Variants in SLC12A8 observed in about 807,000 individuals in gnomAD.
SLC12A8 encodes the protein solute carrier family 12 member 8.
A neutral mutation model predicts 75.6 loss-of-function variants in SLC12A8; 69 were observed. The ratio of observed to expected loss-of-function variants is 0.91; its 90% CI spans 0.75 to 1.11. SLC12A8 has a LOEUF of 1.11. SLC12A8 is among the 50% of genes most tolerant of loss of function. The probability of loss-of-function intolerance (pLI) is 0.00; values close to 1 mark genes in which losing one functional copy is unlikely to be tolerated. For synonymous variants in SLC12A8, 365 were observed against 372.8 expected (o/e 0.98, Z 0.24); for missense variants, 877 against 896.7 (o/e 0.98, Z 0.28).
intron 5 of SLC12A8, among the ~76,000 whole-genome samples, chr3:125,171,022 G>C (rs1421414910): frequency 1.3e-5 from 2 of 152,176 alleles, no homozygotes; most frequent in South Asian, 4.1e-4. Flanking sequence ...ACTTTCACTT[G>C]TCACTTGATA....
chr3:125,135,673 A>G lies in SLC12A8; in HGVS notation c.732T>C (p.Ala244=), dbSNP rs780503164. The G allele has an allele frequency of 2.5e-6, 4 of 1,594,586 alleles. No individual in the cohort carries two copies. Among genetic ancestry groups the G allele is most frequent in the South Asian group, 2.3e-5 (2 of 87,916 alleles). ...AAAGAACCCAGATTACAATACCTGT[A>G]GCCGCTGGGAAGAAAACCCCAAAGA... ...FTVFGVFFPA[A]TGVMAGFNMG... is the part of the protein sequence containing the mutation. Residue 244 remains alanine, a synonymous_variant, in exon 6 of 14, where the codon GCT becomes GCC. Coordinates refer to ENST00000469902, the MANE Select transcript of SLC12A8 (RefSeq NM_024628.6).
At position 125,082,795 on chromosome 3, in the gene SLC12A8, G is replaced by GA. The variant is rs2107726268; in HGVS notation, c.*1094_*1095insT. ...TTTGTACAAGATTATTCACTGCAGA[G>GA]CTGATTGTCATTGCAAAAGATTGGA... On this transcript the variant is annotated 3_prime_UTR_variant, in exon 14 of 14. Transcript: ENST00000469902. The GA allele has an allele frequency of 6.6e-6, 1 of 152,166 alleles. No homozygotes were observed. Among genetic ancestry groups the GA allele is most frequent in the East Asian group, 1.9e-4 (1 of 5,206 alleles). The allele number at this position is 152,166 out of a possible 1,614,324, so 9.4% of individuals were successfully genotyped here. A position where few individuals can be genotyped will look rare whatever the true frequency, so the allele number is the denominator to read the frequency against.
rs1579471048 is a variant in SLC12A8, at chr3:125,104,014, AAAAAG to A, written c.1705+3462_1705+3466del. 3.3e-5 allele frequency among the ~76,000 whole-genome samples: 5 copies of A among 152,230 alleles called. 1 individual carries two copies. Among genetic ancestry groups the A allele is most frequent in the Admixed American group, 1.3e-4 (2 of 15,302 alleles). On this transcript the variant is annotated intron_variant, in intron 10 of 13. Coordinates refer to ENST00000469902, the MANE Select transcript of SLC12A8 (RefSeq NM_024628.6). ...AAGCCTCCAAGATTTAAAAAAAAAA[AAAAAG>A]AGAGAGAAAGAGAGAGCCCAAACCA...
chr3:125,140,087 A>T (rs905148457), intron 5 of SLC12A8, among the ~76,000 whole-genome samples: 2 of 152,216 alleles, frequency 1.3e-5, no homozygotes, highest in African/African-American at 4.8e-5. Flanking sequence ...CCTGAGAGTG[A>T]CATAGCCAAT....
At chr3:125,112,904 G>T (rs533978030) in intron 8 of SLC12A8, among the ~76,000 whole-genome samples, 1 of 152,270 alleles carries the variant, frequency 6.6e-6, no homozygotes, top group East Asian at 1.9e-4. Context: ...ATGTGCAGCC[G>T]ATGTGGAGAA....
At chr3:125,200,190 A>G (rs1483953683) in intron 2 of SLC12A8, among the ~76,000 whole-genome samples, 1 of 152,052 alleles carries the variant, frequency 6.6e-6, no homozygotes, top group Non-Finnish European at 1.5e-5. Context: ...GGCTCACACC[A>G]GTAATCCCAG....
At chr3:125,130,810 C>G (rs560282827) in intron 6 of SLC12A8, among the ~76,000 whole-genome samples, 1 of 152,304 alleles carries the variant, frequency 6.6e-6, no homozygotes, top group East Asian at 1.9e-4. Flanking sequence ...GGCATCCTCT[C>G]TCTTAGGAAA....
intron 9 of SLC12A8, 120 bp downstream of exon 9, chr3:125,110,069 C>T: frequency 9.1e-7 from 1 of 1,097,956 alleles, no homozygotes; most frequent in Non-Finnish European, 1.3e-6. Flanking sequence ...TTTTCTGTGT[C>T]ACCCCAAAGA....
At chr3:125,120,527 G>T in intron 7 of SLC12A8, 72 bp downstream of exon 7, 1 of 1,079,398 alleles carries the variant, frequency 9.3e-7, no homozygotes, top group South Asian at 1.3e-5. Flanking sequence ...AACAAAAGGG[G>T]CAATCCCTCT....
At chr3:125,139,228 G>T (rs1464712171) in intron 5 of SLC12A8, among the ~76,000 whole-genome samples, 1 of 152,146 alleles carries the variant, frequency 6.6e-6, no homozygotes, top group Non-Finnish European at 1.5e-5. Context: ...ACCAAAGAAA[G>T]AAAGAAACTG....
intron 5 of SLC12A8, among the ~76,000 whole-genome samples, chr3:125,136,286 C>A (rs28986275): frequency 6.6e-6 from 1 of 152,050 alleles, no homozygotes; most frequent in African/African-American, 2.4e-5. Flanking sequence ...AGCAGCCACA[C>A]CCTGAGGAAG....
intron 4 of SLC12A8, among the ~76,000 whole-genome samples, chr3:125,182,624 A>C (rs376900907): frequency 1.7e-3 from 255 of 151,786 alleles, no homozygotes; most frequent in African/African-American, 5.9e-3. Flanking sequence ...CTCCTGCCTC[A>C]GACTCCCGAG....
chr3:125,095,918 GC>G (rs78669310), intron 10 of SLC12A8, among the ~76,000 whole-genome samples: 4,771 of 152,250 alleles, frequency 0.031, 195 homozygotes, highest in East Asian at 0.17. Context: ...ACCTCTAAAA[GC>G]CAGTGATCTT....
At chr3:125,108,810 T>C (rs535587691) in intron 9 of SLC12A8, among the ~76,000 whole-genome samples, 2 of 152,208 alleles carry the variant, frequency 1.3e-5, no homozygotes, top group Non-Finnish European at 2.9e-5. Context: ...GAGAGGCAGA[T>C]TGCGGAAGAC....
chr3:125,183,637 G>T (rs914505959), intron 4 of SLC12A8, among the ~76,000 whole-genome samples: 5 of 152,098 alleles, frequency 3.3e-5, no homozygotes, highest in South Asian at 4.1e-4. Flanking sequence ...CCTATATCAG[G>T]TCCATAAAAA....
chr3:125,128,480 T>A (rs1366168137), intron 6 of SLC12A8, among the ~76,000 whole-genome samples: 1 of 26,024 alleles, frequency 3.8e-5, no homozygotes, highest in Non-Finnish European at 7.0e-5. Context: ...GCGCCCGGCC[T>A]TTTTTTTTTT....
At chr3:125,200,870 C>T (rs1055475379) in intron 2 of SLC12A8, among the ~76,000 whole-genome samples, 2 of 152,130 alleles carry the variant, frequency 1.3e-5, no homozygotes, top group Non-Finnish European at 2.9e-5. Context: ...AGAGCAGGAA[C>T]GCAACTATTT....
rs769444080 is a variant in SLC12A8 at position 125,177,919 on chromosome 3, A to C, written c.446T>G (p.Leu149Arg). The C allele has an allele frequency of 6.2e-7, 1 of 1,614,140 alleles. No homozygotes were observed. The highest frequency in any genetic ancestry group is 1.7e-5 in the Admixed American group (1 of 60,006). ...CACAGCCCAGATATTCCCGAGGCCCAGCAAATCCGAGATGGATTCAGCAAA... is the reference window on the plus strand; with the variant it reads ...CACAGCCCAGATATTCCCGAGGCCCCGCAAATCCGAGATGGATTCAGCAAA... ...TGFAESISDL[L>R]GLGNIWAVRG... Residue 149 changes from leucine (L) to arginine (R), a missense_variant, in exon 5 of 14, where the codon CTG becomes CGG. By Grantham distance (102) the Leu-to-Arg change is moderately radical. Coordinates refer to ENST00000469902, the MANE Select transcript of SLC12A8 (RefSeq NM_024628.6).
intron 5 of SLC12A8, among the ~76,000 whole-genome samples, chr3:125,147,647 G>T (rs918317873): frequency 6.6e-6 from 1 of 152,152 alleles, no homozygotes; most frequent in South Asian, 2.1e-4. Context: ...CCTACATCCT[G>T]CCTGGACAGC....
Sources: allele counts gnomAD v4.1 joint callset (sites outside exome capture counted in the v4.1 genomes callset), GRCh38; gene constraint gnomAD v4.1.1; transcripts MANE v1.5; gene names NCBI Gene and HGNC (gene_info 2026-07-23, HGNC 2026-07-21).